The following ZNF311 variants were observed in gnomAD, a reference collection of about 807,000 sequenced individuals.
ZNF311 encodes zinc finger protein 311.
Under a neutral mutation model 22.7 loss-of-function variants are expected in ZNF311, and 14 were observed. The observed-to-expected ratio is 0.62, with a 90% confidence interval of 0.41 to 0.96. ZNF311 has a LOEUF of 0.96. ZNF311 is among the 40% of genes least tolerant of loss of function. ZNF311 has a pLI of 0.00. For synonymous variants in ZNF311, 250 were observed against 275.3 expected (o/e 0.91, Z 0.91); for missense variants, 731 against 799.0 (o/e 0.91, Z 1.03).
At chr6:28,998,061 C>T (rs912396565) in intron 6 of ZNF311, among the ~76,000 whole-genome samples, 8 of 152,116 alleles carry the variant, frequency 5.3e-5, no homozygotes, top group Admixed American at 1.3e-4. Context: ...TTATTTTATT[C>T]CTCAATGCTT....
Position 28,995,006 on chromosome 6 carries a change from C to G in ZNF311, c.1996G>C (p.Ala666Pro), listed in dbSNP as rs551802157. ...QTSVVSILTS[A>P] The stretch of plus-strand genomic sequence containing the variant: ...TAACACCAGAATCGTTATACTCAGG[C>G]ACTGGTCAAAATACTGACTACTGAG... Residue 666 changes from alanine (A) to proline (P), a missense_variant, in exon 7 of 7, where the codon GCC becomes CCC. Ala to Pro is a conservative substitution (Grantham distance 27). Coordinates refer to ENST00000377179, the MANE Select transcript of ZNF311 (RefSeq NM_001382360.1). The surrounding 1 kb of genome is among the most constrained non-coding windows in gnomAD (Gnocchi z 4.7). 3 of 1,601,356 alleles carry G rather than the reference C, an allele frequency of 1.9e-6. No homozygotes were observed. The highest frequency in any genetic ancestry group is 2.6e-6 in the Non-Finnish European group (3 of 1,174,500).
In ZNF311 at chr6:29,005,176, G is replaced by C. The variant is rs1220678485; in HGVS notation, c.-429C>G. On this transcript the variant is annotated 5_prime_UTR_variant, in exon 1 of 7. Coordinates refer to ENST00000377179, the MANE Select transcript of ZNF311 (RefSeq NM_001382360.1). ...AATTTTTGTCGTCTTGTTCACAGTTGTATTCTCAACGCCTAAAACAGCGCT... is the reference window on the plus strand; with the variant it reads ...AATTTTTGTCGTCTTGTTCACAGTTCTATTCTCAACGCCTAAAACAGCGCT... 6.6e-6 allele frequency: 1 copy of C among 152,142 alleles called. No homozygotes were observed. The highest frequency in any genetic ancestry group is 1.5e-5 in the Non-Finnish European group (1 of 68,052). 9.4% of individuals were successfully genotyped at this position (152,142 alleles called of 1,614,324 possible).
intron 3 of ZNF311, among the ~76,000 whole-genome samples, chr6:29,002,772 C>T (rs1173509242): frequency 6.6e-6 from 1 of 152,108 alleles, no homozygotes; most frequent in Non-Finnish European, 1.5e-5. Flanking sequence ...AGGTGCATTA[C>T]ACCACACCTG....
intron 5 of ZNF311, 134 bp downstream of exon 5, chr6:28,999,353 T>C: frequency 1.1e-6 from 1 of 938,700 alleles, no homozygotes; most frequent in Non-Finnish European, 1.4e-6. Flanking sequence ...TCAAAACTCT[T>C]AATTTTTGGG....
rs1217643964 is a variant in ZNF311, at chr6:28,999,626, G to A, written c.184-13C>T. ...ATGTCACTGACTCCTGAAATAATAT[G>A]CTCCTGCTATCCTGGAGAAAACGCC... On this transcript the variant is annotated splice_polypyrimidine_tract_variant and intron_variant, in intron 4 of 6. Transcript: ENST00000377179. 5 of 1,608,394 alleles carry A rather than the reference G, an allele frequency of 3.1e-6. No homozygotes were observed. Among genetic ancestry groups the A allele is most frequent in the African/African-American group, 2.7e-5 (2 of 74,720 alleles).
At position 29,004,027 on chromosome 6, in the gene ZNF311, C is replaced by T. The variant is rs531529398; in HGVS notation, c.-73G>A. 127 of 1,607,590 alleles carry T rather than the reference C, an allele frequency of 7.9e-5. No individual in the cohort carries two copies. Among genetic ancestry groups the T allele is most frequent in the Non-Finnish European group, 1.1e-4 (124 of 1,175,898 alleles). ...CTTCCTACTGGTCAGATCCAGTTCT[C>T]AAACAAGCTGTGAAGTGGCTCCAGT... On this transcript the variant is annotated 5_prime_UTR_variant, in exon 2 of 7. It removes the in-frame stop codon of an upstream open reading frame in the 5' UTR. Transcript: ENST00000377179.
At chr6:28,998,888 CTT>C in intron 5 of ZNF311, 50 bp from the exon 6 acceptor site, 1 of 1,341,692 alleles carries the variant, frequency 7.5e-7, no homozygotes, top group Non-Finnish European at 1.1e-6. Context: ...AACTTAATAA[CTT>C]ATAACTTAGC....
Position 28,996,096 on chromosome 6 carries a change from A to G in ZNF311, c.906T>C (p.Pro302=), listed in dbSNP as rs752632862. The change falls in exon 7 of 7, where the codon CCT becomes CCC. Residue 302 remains proline (P), a synonymous_variant. Transcript: ENST00000377179. ...CCTTCCCACACTGGGTGCAATTAAA[A>G]GGTTTCTCCCCTGTGTGGATTATCC... The part of the protein sequence containing the change: ...MHRIIHTGEK[P]FNCTQCGKAF... 5 of 1,613,114 alleles carry G rather than the reference A, an allele frequency of 3.1e-6. No homozygotes were observed. In the African/African-American group the frequency reaches 6.7e-5, roughly 22 times the overall value.
Position 29,004,110 on chromosome 6 carries a change from C to T in ZNF311, c.-156G>A. 6.4e-7 allele frequency: 1 copy of T among 1,565,506 alleles called. No homozygotes were observed. The highest frequency in any genetic ancestry group is 8.6e-7 in the Non-Finnish European group (1 of 1,158,250). ...TGGTGGTGCCAGCCAAAGGGCCCTTCTTGACCCACAGTGCCGCTACTGTTT... is the reference window on the plus strand; with the variant it reads ...TGGTGGTGCCAGCCAAAGGGCCCTTTTTGACCCACAGTGCCGCTACTGTTT... On this transcript the variant is annotated 5_prime_UTR_variant, in exon 2 of 7. Transcript: ENST00000377179.
At position 28,999,979 on chromosome 6, in the gene ZNF311, T is replaced by A; in HGVS notation, c.160A>T (p.Ile54Phe). 1 of 1,613,668 alleles carries A rather than the reference T, an allele frequency of 6.2e-7. No homozygotes were observed. The change falls in exon 4 of 7, where the codon ATC (isoleucine) becomes TTC (phenylalanine). Residue 54 changes from isoleucine to phenylalanine, a missense_variant. Physicochemically the swap from Ile to Phe is conservative, Grantham distance 21. Transcript: ENST00000377179. ...GSQGNLPQAD[I>F]TLMSQAQESV... ...ACTTGGGCCTGGCTCATTAGTGTGA[T>A]ATCTGCTTGCGGCAGGTTTCCTTGG...
intron 6 of ZNF311, among the ~76,000 whole-genome samples, chr6:28,997,131 A>C (rs1437084561): frequency 6.6e-6 from 1 of 152,226 alleles, no homozygotes; most frequent in Non-Finnish European, 1.5e-5. Context: ...TTGTGATCTG[A>C]CGGCAGGTAA....
At chr6:28,998,671 T>G in intron 6 of ZNF311, 63 bp downstream of exon 6, 1 of 1,189,874 alleles carries the variant, frequency 8.4e-7, no homozygotes, top group East Asian at 2.4e-5. Flanking sequence ...CCACTGAGAA[T>G]GTTCCATAAC....
At chr6:28,999,450 G>C in intron 5 of ZNF311, 37 bp downstream of exon 5, 1 of 1,527,834 alleles carries the variant, frequency 6.5e-7, no homozygotes, top group Non-Finnish European at 8.8e-7. Flanking sequence ...AATAAAAAAA[G>C]AAGGTAGAAA....
intron 5 of ZNF311, 143 bp from the exon 6 acceptor site, chr6:28,998,981 G>A (rs568436244): frequency 1.9e-6 from 1 of 531,740 alleles, no homozygotes; most frequent in South Asian, 3.3e-5. Flanking sequence ...TTTTTCAGGG[G>A]TCTAGTAACA....
intron 6 of ZNF311, 54 bp downstream of exon 6, chr6:28,998,680 A>G (rs1779975233): frequency 1.6e-6 from 2 of 1,279,528 alleles, no homozygotes; most frequent in Non-Finnish European, 2.2e-6. Context: ...ATGTTCCATA[A>G]CCATTATGCC....
At chr6:29,003,300 A>AT (rs892505238) in intron 3 of ZNF311, among the ~76,000 whole-genome samples, 2 of 152,172 alleles carry the variant, frequency 1.3e-5, no homozygotes, top group Admixed American at 6.5e-5. Context: ...TTACACACTG[A>AT]TTTTTTTCAA....
intron 6 of ZNF311, among the ~76,000 whole-genome samples, chr6:28,997,800 A>T (rs1779834341): frequency 6.6e-6 from 1 of 152,214 alleles, no homozygotes; most frequent in Non-Finnish European, 1.5e-5. Flanking sequence ...TGGGAGGATG[A>T]CTTCACTTCT....
At chr6:29,003,829 A>G in intron 2 of ZNF311, 117 bp downstream of exon 2, 1 of 1,601,354 alleles carries the variant, frequency 6.2e-7, no homozygotes, top group Admixed American at 1.7e-5. Flanking sequence ...CTAGGAGGAG[A>G]CACCTCCAAC....
Position 28,995,513 on chromosome 6 carries a change from T to C in ZNF311, c.1489A>G (p.Lys497Glu), listed in dbSNP as rs138720439. The C allele has an allele frequency of 7.4e-6, 12 of 1,613,882 alleles. No homozygotes were observed. The African/African-American group carries it at 1.6e-4, about 22-fold the overall frequency. Residue 497 changes from lysine (K) to glutamate (E), a missense_variant, in exon 7 of 7, where the codon AAG becomes GAG. By Grantham distance (56) the Lys-to-Glu change is moderately conservative. Coordinates refer to ENST00000377179, the MANE Select transcript of ZNF311 (RefSeq NM_001382360.1). The surrounding 1 kb of genome is among the most constrained non-coding windows in gnomAD (Gnocchi z 4.7). Reference protein sequence around the residue: ...RAHEREHTGEKPYQCRDCGKT... With the variant: ...RAHEREHTGEEPYQCRDCGKT... Reference sequence around the variant, plus strand: ...CCACAATCCCTGCATTGATAGGGCTTCTCCCCTGTATGCTCTCGTTCATGA... The same window carrying C: ...CCACAATCCCTGCATTGATAGGGCTCCTCCCCTGTATGCTCTCGTTCATGA...
Sources: gnomAD v4.1 joint callset for allele counts (sites outside exome capture counted in the v4.1 genomes callset) on GRCh38, gnomAD v4.1.1 for gene constraint, Gnocchi (gnomAD v3.1) non-coding constraint, MANE v1.5 for transcripts, NCBI Gene and HGNC (gene_info 2026-07-23, HGNC 2026-07-21) for gene names.